Variants in BMP2K observed in about 807,000 individuals in gnomAD.
BMP2K encodes BMP2 inducible kinase, also known as BMP-2-inducible protein kinase.
A neutral mutation model predicts 116.0 loss-of-function variants in BMP2K; 74 were observed. That is an observed-to-expected ratio of 0.64 (90% CI 0.53 to 0.77). The LOEUF (loss-of-function observed/expected upper bound fraction) is 0.77, where lower values mean the gene tolerates loss of function less well. BMP2K is among the 30% of genes least tolerant of loss of function. BMP2K has a pLI of 0.00. For missense variants in BMP2K, 1,365 were observed against 1,403.6 expected (o/e 0.97, Z 0.44); for synonymous variants, 486 against 502.5 (o/e 0.97, Z 0.44).
At chr4:78,827,714 C>T (rs2110001892) in intron 2 of BMP2K, among the ~76,000 whole-genome samples, 1 of 152,224 alleles carries the variant, frequency 6.6e-6, no homozygotes. Context: ...GTAAAAAAAC[C>T]TCAAACACAG....
rs1553915265 is a variant in BMP2K at position 78,823,512 on chromosome 4, A to AGTTATATATATAGTTATATATATG, written c.179-2502_179-2479dup. ...TAGTTTTGTATATATAGTTATATAT[A>AGTTATATATATAGTTATATATATG]GTTATATATATAGTTATATATATGG... On this transcript the variant is annotated intron_variant, in intron 1 of 15. Coordinates refer to ENST00000502613, the MANE Select transcript of BMP2K (RefSeq NM_198892.2). Among the ~76,000 whole-genome samples the AGTTATATATATAGTTATATATATG allele has an allele frequency of 1.2e-3, 173 of 147,712 alleles. 1 individual carries two copies. The highest frequency in any genetic ancestry group is 7.2e-3 in the Middle Eastern group (2 of 278).
chr4:78,890,328 T>C (rs1440527911), intron 15 of BMP2K, among the ~76,000 whole-genome samples: 1 of 152,128 alleles, frequency 6.6e-6, no homozygotes, highest in Non-Finnish European at 1.5e-5. Context: ...CTATGGACTT[T>C]CTATTATGGA....
At chr4:78,804,096 T>C (rs1212739798) in intron 1 of BMP2K, among the ~76,000 whole-genome samples, 11 of 152,174 alleles carry the variant, frequency 7.2e-5, no homozygotes, top group Admixed American at 7.2e-4. Context: ...AGAAACCCGG[T>C]AGTCATTAGA....
At chr4:78,903,578 G>A (rs537477162) in intron 15 of BMP2K, among the ~76,000 whole-genome samples, 1 of 151,864 alleles carries the variant, frequency 6.6e-6, no homozygotes, top group African/African-American at 2.4e-5. Context: ...TTTTCTAGAT[G>A]AGAAAACTCA....
chr4:78,809,888 C>G (rs1426128753), intron 1 of BMP2K, among the ~76,000 whole-genome samples: 1 of 152,106 alleles, frequency 6.6e-6, no homozygotes, highest in Non-Finnish European at 1.5e-5. Flanking sequence ...CTTGCTTTCT[C>G]TCTATATGGA....
intron 1 of BMP2K, among the ~76,000 whole-genome samples, chr4:78,810,953 GT>G (rs2109972148): frequency 6.6e-6 from 1 of 152,110 alleles, no homozygotes; most frequent in East Asian, 1.9e-4. Context: ...TTTCCATTGT[GT>G]AAGTGCTTCA....
intron 13 of BMP2K, among the ~76,000 whole-genome samples, chr4:78,876,647 C>G (rs1252820392): frequency 6.6e-6 from 1 of 152,154 alleles, no homozygotes; most frequent in Non-Finnish European, 1.5e-5. Context: ...TCAGTTAAGA[C>G]TTGTGAAATT....
intron 1 of BMP2K, 26 bp downstream of exon 1, chr4:78,776,747 C>T (rs1260206907): frequency 1.6e-6 from 2 of 1,241,420 alleles, no homozygotes; most frequent in Non-Finnish European, 2.0e-6. Flanking sequence ...GAGGCTCGGA[C>T]AGGCAGGTGA....
intron 3 of BMP2K, among the ~76,000 whole-genome samples, chr4:78,841,213 C>A (rs374815935): frequency 3.9e-5 from 6 of 152,132 alleles, no homozygotes; most frequent in East Asian, 1.9e-4. Flanking sequence ...TTTATATGTA[C>A]CTTCTCATAG....
chr4:78,799,091 G>A (rs1261738355), intron 1 of BMP2K, among the ~76,000 whole-genome samples: 1 of 152,178 alleles, frequency 6.6e-6, no homozygotes, highest in African/African-American at 2.4e-5. Context: ...GGGCAACAGT[G>A]CCGTTCTAAT....
At chr4:78,798,083 T>C (rs765235902) in intron 1 of BMP2K, among the ~76,000 whole-genome samples, 5 of 152,188 alleles carry the variant, frequency 3.3e-5, no homozygotes, top group Non-Finnish European at 7.3e-5. Context: ...TCCCAAAGTG[T>C]TGGTATTACA....
chr4:78,895,703 G>C (rs1311525299), intron 15 of BMP2K, among the ~76,000 whole-genome samples: 2 of 152,082 alleles, frequency 1.3e-5, no homozygotes, highest in African/African-American at 4.8e-5. Context: ...AAATTTTATG[G>C]AGCAAAAGGA....
chr4:78,861,249 ATAATT>A (rs765849778), intron 8 of BMP2K, 135 bp from the exon 9 acceptor site: 287 of 564,234 alleles, frequency 5.1e-4, no homozygotes, highest in Non-Finnish European at 8.1e-4. Flanking sequence ...ATACATGTGA[ATAATT>A]TATAGGTATC....
At chr4:78,842,263 A>C in intron 3 of BMP2K, 122 bp from the exon 4 acceptor site, 1 of 740,644 alleles carries the variant, frequency 1.4e-6, no homozygotes, top group South Asian at 2.5e-5. Flanking sequence ...AAGCATCCTT[A>C]CATGAGAATT....
chr4:78,842,991 T>G (rs899623177), intron 4 of BMP2K, among the ~76,000 whole-genome samples: 1 of 152,126 alleles, frequency 6.6e-6, no homozygotes, highest in South Asian at 2.1e-4. Flanking sequence ...TTCTATTATT[T>G]TCTATAATTT....
intron 7 of BMP2K, among the ~76,000 whole-genome samples, chr4:78,855,259 A>C (rs983609089): frequency 6.6e-6 from 1 of 152,182 alleles, no homozygotes; most frequent in Admixed American, 6.5e-5. Flanking sequence ...ATGTTGATGC[A>C]TGAAATATTT....
At chr4:78,860,035 G>C (rs766825460) in intron 8 of BMP2K, 2 of 495,596 alleles carry the variant, frequency 4.0e-6, no homozygotes, top group African/African-American at 4.1e-5. Flanking sequence ...TTTTTTCTTA[G>C]AAGTGTTGTA....
chr4:78,795,463 A>T (rs1405903641), intron 1 of BMP2K, among the ~76,000 whole-genome samples: 1 of 152,218 alleles, frequency 6.6e-6, no homozygotes, highest in African/African-American at 2.4e-5. Flanking sequence ...ATTACCATTC[A>T]GGACATAGGC....
At chr4:78,809,355 T>G (rs776295846) in intron 1 of BMP2K, among the ~76,000 whole-genome samples, 20 of 147,910 alleles carry the variant, frequency 1.4e-4, no homozygotes, top group Non-Finnish European at 2.4e-4. Context: ...ATCTAAAGTG[T>G]TTTTTTTTTC....
Sources: gnomAD v4.1 joint callset for allele counts (sites outside exome capture counted in the v4.1 genomes callset) on GRCh38, gnomAD v4.1.1 for gene constraint, MANE v1.5 for transcripts, NCBI Gene and HGNC (gene_info 2026-07-23, HGNC 2026-07-21) for gene names.